SLC27A1: variants seen among roughly 807,000 people sequenced by gnomAD.
The protein encoded by SLC27A1 is long-chain fatty acid transport protein 1.
In SLC27A1, 61 loss-of-function variants were observed where a neutral mutation model predicts 62.2. The ratio of observed to expected loss-of-function variants is 0.98; its 90% CI spans 0.80 to 1.21. SLC27A1 has a LOEUF of 1.21. Ranked by LOEUF, SLC27A1 falls within the 50% of genes most tolerant of loss-of-function variation. The pLI is 0.00. For synonymous variants in SLC27A1, 435 were observed against 408.6 expected (o/e 1.06, Z -0.78); for missense variants, 903 against 932.1 (o/e 0.97, Z 0.41).
chr19:17,485,191 CTTTTT>C (rs386388659), intron 1 of SLC27A1, among the ~76,000 whole-genome samples: 2 of 104,996 alleles, frequency 1.9e-5, no homozygotes, highest in Admixed American at 1.0e-4. Context: ...TTTTTGTTTC[CTTTTT>C]TTTTTTTTTT....
upstream of SLC27A1, among the ~76,000 whole-genome samples, chr19:17,469,495 G>T (rs149823847): frequency 1.3e-5 from 2 of 152,264 alleles, no homozygotes; most frequent in East Asian, 3.9e-4. Flanking sequence ...ACGCCCCAAG[G>T]CTGCAGGACA....
Position 17,489,123 on chromosome 19 carries a change from G to T in SLC27A1, c.996+6G>T. On this transcript the variant is annotated splice_donor_region_variant and intron_variant, in intron 6 of 11. Coordinates refer to ENST00000252595, the MANE Select transcript of SLC27A1 (RefSeq NM_198580.3). ...GCATCAAGTACAACTGCACGGTCAG[G>T]CCCTGCCCTGTTCTGTCTAGACCCC... 4 of 1,613,168 alleles carry T rather than the reference G, an allele frequency of 2.5e-6. No individual in the cohort carries two copies. The highest frequency in any genetic ancestry group is 3.4e-6 in the Non-Finnish European group (4 of 1,179,446).
chr19:17,474,873 G>T (rs1296114502), intron 1 of SLC27A1, among the ~76,000 whole-genome samples: 1 of 151,286 alleles, frequency 6.6e-6, no homozygotes, highest in Non-Finnish European at 1.5e-5. Context: ...CAGGTGATCT[G>T]CCCGCCTGGG....
At chr19:17,485,479 C>T (rs934582172) in intron 1 of SLC27A1, among the ~76,000 whole-genome samples, 9 of 150,046 alleles carry the variant, frequency 6.0e-5, no homozygotes, top group East Asian at 2.0e-4. Flanking sequence ...TGAGCCACCA[C>T]GCCTGGCCTA....
At chr19:17,482,942 C>G (rs1456705031) in intron 1 of SLC27A1, among the ~76,000 whole-genome samples, 5 of 151,056 alleles carry the variant, frequency 3.3e-5, no homozygotes, top group Non-Finnish European at 7.3e-5. Context: ...ATGCACAGAT[C>G]TCCTGCGTGC....
At chr19:17,478,954 CAT>C (rs1261918715) in intron 1 of SLC27A1, among the ~76,000 whole-genome samples, 2 of 151,922 alleles carry the variant, frequency 1.3e-5, no homozygotes, top group South Asian at 2.1e-4. Flanking sequence ...CACCTCTCCA[CAT>C]GTGTTTGAGT....
chr19:17,492,542 G>C (rs1331480507), intron 6 of SLC27A1, among the ~76,000 whole-genome samples: 1 of 151,288 alleles, frequency 6.6e-6, no homozygotes, highest in Non-Finnish European at 1.5e-5. Flanking sequence ...TGTGAACCCA[G>C]GAGGTGGAGG....
chr19:17,484,369 C>T (rs1275003768), intron 1 of SLC27A1, among the ~76,000 whole-genome samples: 1 of 152,118 alleles, frequency 6.6e-6, no homozygotes, highest in Non-Finnish European at 1.5e-5. Flanking sequence ...CAAGGGAGGA[C>T]CACCTGAGTC....
rs1568424268 is a variant in SLC27A1 at position 17,500,374 on chromosome 19, G to GC, written c.1306dup (p.Gln436ProfsTer57). ...GGACACAATGGAGCTGCTGCGGGATGCCCAGGGCCTCTGCATCCCCTGCCA... is the reference window on the plus strand; with the variant it reads ...GGACACAATGGAGCTGCTGCGGGATGCCCCAGGGCCTCTGCATCCCCTGCCA... On this transcript the variant is annotated frameshift_variant, in exon 8 of 12. Transcript: ENST00000252595. LOFTEE classifies it high-confidence loss of function. The GC allele has an allele frequency of 6.2e-7, 1 of 1,614,142 alleles. No individual in the cohort carries two copies. The highest frequency in any genetic ancestry group is 1.1e-5 in the South Asian group (1 of 91,086).
chr19:17,469,307 C>A (rs1599632737), upstream of SLC27A1, among the ~76,000 whole-genome samples: 1 of 152,198 alleles, frequency 6.6e-6, no homozygotes, highest in East Asian at 1.9e-4. Flanking sequence ...TTGAGCACTC[C>A]CCCGGGCCCT....
rs2075235053 is a variant in SLC27A1, at chr19:17,486,758, C to T, written c.363C>T (p.Arg121=). Residue 121 remains arginine (R), a synonymous_variant, in exon 2 of 12, where the codon CGC becomes CGT. Transcript: ENST00000252595. The surrounding 1 kb of genome is among the most constrained non-coding windows in gnomAD (Gnocchi z 6.6). ...CCAATGCGGTAGCCAACCTCTTCCG[C>T]CAGCTGGGCTTCGCGCCGGGCGACG... is the stretch of plus-strand genomic sequence containing the variant. ...AYSNAVANLF[R]QLGFAPGDVV... 9 of 1,608,756 alleles carry T rather than the reference C, an allele frequency of 5.6e-6. No individual in the cohort carries two copies. Among genetic ancestry groups the T allele is most frequent in the Non-Finnish European group, 7.6e-6 (9 of 1,177,464 alleles).
At chr19:17,485,939 C>T (rs1387351712) in intron 1 of SLC27A1, among the ~76,000 whole-genome samples, 1 of 152,194 alleles carries the variant, frequency 6.6e-6, no homozygotes, top group Non-Finnish European at 1.5e-5. Context: ...CTCTGCAGTT[C>T]CCTGGGGCCT....
At position 17,478,661 on chromosome 19, in the gene SLC27A1, C is replaced by G. The variant is rs1041044010; in HGVS notation, c.168-7902C>G. ...TGGCTTGAGCCCAGGAGTTTGAGAC[C>G]AGCCTGGGCAACATGGCGAAACCCC... On this transcript the variant is annotated intron_variant, in intron 1 of 11. Transcript: ENST00000252595. 4.0e-5 allele frequency among the ~76,000 whole-genome samples: 6 copies of G among 150,810 alleles called. No individual in the cohort carries two copies. The South Asian group carries it at 1.3e-3, about 32-fold the overall frequency.
rs1221324202 is a variant in SLC27A1, at chr19:17,477,240, C to CTT, written c.167+6556_167+6557dup. On this transcript the variant is annotated intron_variant, in intron 1 of 11. Transcript: ENST00000252595. ...TTATTGGTTGAATGGATGAGCAGCG[C>CTT]TTTTTTTTTTTTTTTTTTTTTTTTG... is the stretch of plus-strand genomic sequence containing the variant. Among the ~76,000 whole-genome samples the CTT allele has an allele frequency of 6.5e-3, 284 of 43,808 alleles. 34 individuals are homozygous for CTT. Among genetic ancestry groups the CTT allele is most frequent in the East Asian group, 0.021 (34 of 1,604 alleles). The allele number at this position is 43,808 out of a possible 152,430, so 28.7% of individuals were successfully genotyped here.
At chr19:17,485,740 G>GAATT (rs1201771735) in intron 1 of SLC27A1, among the ~76,000 whole-genome samples, 2 of 151,804 alleles carry the variant, frequency 1.3e-5, no homozygotes, top group African/African-American at 4.8e-5. Context: ...TGAGGCAGGA[G>GAATT]AATTGCTTAA....
In SLC27A1 at chr19:17,489,124, C is replaced by A; in HGVS notation, c.996+7C>A. 6.2e-7 allele frequency: 1 copy of A among 1,612,878 alleles called. No homozygotes were observed. The highest frequency in any genetic ancestry group is 1.1e-5 in the South Asian group (1 of 90,974). On this transcript the variant is annotated splice_region_variant and intron_variant, in intron 6 of 11. Coordinates refer to ENST00000252595, the MANE Select transcript of SLC27A1 (RefSeq NM_198580.3). Reference sequence around the variant, plus strand: ...CATCAAGTACAACTGCACGGTCAGGCCCTGCCCTGTTCTGTCTAGACCCCG... The same window carrying A: ...CATCAAGTACAACTGCACGGTCAGGACCTGCCCTGTTCTGTCTAGACCCCG...
intron 1 of SLC27A1, among the ~76,000 whole-genome samples, chr19:17,485,824 C>G (rs1246101411): frequency 7.0e-6 from 1 of 143,338 alleles, no homozygotes; most frequent in Non-Finnish European, 1.5e-5. Context: ...GACTCCGTCT[C>G]AAAAAAAAAA....
At chr19:17,488,213 G>T (rs948396673) in intron 4 of SLC27A1, among the ~76,000 whole-genome samples, 6 of 152,192 alleles carry the variant, frequency 3.9e-5, no homozygotes, top group Non-Finnish European at 8.8e-5. Context: ...ACAAAAATTA[G>T]CTGGGCGTGG....
intron 1 of SLC27A1, among the ~76,000 whole-genome samples, chr19:17,481,030 A>G (rs2075172795): frequency 6.6e-6 from 1 of 151,816 alleles, no homozygotes; most frequent in South Asian, 2.1e-4. Flanking sequence ...GGTTCAAGCA[A>G]TTCTCCTGCT....
Sources: gnomAD v4.1 joint callset for allele counts (sites outside exome capture counted in the v4.1 genomes callset) on GRCh38, gnomAD v4.1.1 for gene constraint, Gnocchi (gnomAD v3.1) non-coding constraint, MANE v1.5 for transcripts, NCBI Gene and HGNC (gene_info 2026-07-23, HGNC 2026-07-21) for gene names.